SMG5: variants seen among roughly 807,000 people sequenced by gnomAD.
SMG5 encodes the protein SMG5 nonsense mediated mRNA decay factor.
A neutral mutation model predicts 122.9 loss-of-function variants in SMG5; 53 were observed. That is an observed-to-expected ratio of 0.43 (90% CI 0.35 to 0.54). The LOEUF (loss-of-function observed/expected upper bound fraction) is 0.54, where lower values mean the gene tolerates loss of function less well. Ranked by LOEUF, SMG5 falls within the 20% of genes least tolerant of loss-of-function variation. SMG5 has a pLI of 0.01. For synonymous variants in SMG5, 477 were observed against 490.2 expected (o/e 0.97, Z 0.35); for missense variants, 1,153 against 1,285.6 (o/e 0.90, Z 1.58).
chr1:156,252,362 A>T, intron 19 of SMG5, 52 bp downstream of exon 19: 1 of 1,564,118 alleles, frequency 6.4e-7, no homozygotes. Flanking sequence ...AGCATGTGTT[A>T]TCCAAAAGAC....
chr1:156,253,184 G>C, intron 17 of SMG5, 106 bp from the exon 18 acceptor site: 1 of 1,248,212 alleles, frequency 8.0e-7, no homozygotes, highest in Non-Finnish European at 1.1e-6. Context: ...CTGTTGTTAA[G>C]GGGATCAGAG....
intron 3 of SMG5, among the ~76,000 whole-genome samples, 160 bp downstream of exon 3, chr1:156,277,765 G>A (rs541618872): frequency 6.6e-6 from 1 of 152,200 alleles, no homozygotes; most frequent in East Asian, 1.9e-4. Context: ...GCCTGCCTCA[G>A]CCTCCCAAAG....
chr1:156,265,242 T>C (rs1477226464), intron 12 of SMG5, among the ~76,000 whole-genome samples: 1 of 141,492 alleles, frequency 7.1e-6, no homozygotes, highest in Admixed American at 7.6e-5. Context: ...AAAAAAAACT[T>C]TGGAAGTAAA....
intron 7 of SMG5, 107 bp from the exon 8 acceptor site, chr1:156,268,522 CTCAGCTTCCA>C: frequency 7.0e-7 from 1 of 1,434,106 alleles, no homozygotes; most frequent in Non-Finnish European, 9.4e-7. Flanking sequence ...TGCTCCCAGC[CTCAGCTTCCA>C]TGTACATACG....
intron 10 of SMG5, among the ~76,000 whole-genome samples, chr1:156,266,983 A>G (rs143661759): frequency 6.6e-6 from 1 of 151,538 alleles, no homozygotes; most frequent in Non-Finnish European, 1.5e-5. Flanking sequence ...CTCACCTTGT[A>G]CTCCTTCAGA....
rs1388394461 is a variant in SMG5 at position 156,250,287 on chromosome 1, A to G, written c.*300T>C. 1 of 432,702 alleles carries G rather than the reference A, an allele frequency of 2.3e-6. No individual in the cohort carries two copies. Among genetic ancestry groups the G allele is most frequent in the Non-Finnish European group, 4.3e-6 (1 of 234,142 alleles). The allele number at this position is 432,702 out of a possible 1,614,324, so 26.8% of individuals were successfully genotyped here. On this transcript the variant is annotated 3_prime_UTR_variant, in exon 22 of 22. Transcript: ENST00000361813. ...CCATTCCAGTGAAATGCAGGTACCC[A>G]TGCCTACCACCTGCCCCTGGAGACA...
At chr1:156,274,805 T>TCTGCCCTGAAAGACAA in intron 4 of SMG5, 119 bp from the exon 5 acceptor site, 1 of 771,898 alleles carries the variant, frequency 1.3e-6, no homozygotes, top group Non-Finnish European at 2.2e-6. Flanking sequence ...GAACATTGTC[T>TCTGCCCTGAAAGACAA]TTCAGGGCAG....
intron 12 of SMG5, among the ~76,000 whole-genome samples, chr1:156,265,563 A>T (rs1262164259): frequency 6.6e-6 from 1 of 152,108 alleles, no homozygotes; most frequent in African/African-American, 2.4e-5. Flanking sequence ...GAAGTGCAAA[A>T]GAAATAAAAC....
At chr1:156,285,728 G>A (rs1008175798), upstream of SMG5, 6 of 1,612,898 alleles carry the variant, frequency 3.7e-6, no homozygotes, top group African/African-American at 2.7e-5. Flanking sequence ...CACCCACCCC[G>A]ACCCCACTGA....
In SMG5 at chr1:156,271,668, GGTTCAAGTGATTCTCCTGC is replaced by G. The variant is rs3217124; in HGVS notation, c.713+633_713+651del. On this transcript the variant is annotated intron_variant, in intron 7 of 21. Transcript: ENST00000361813. ...GGCTCACTGCAACCTCTGCCTCCTGGGTTCAAGTGATTCTCCTGCGTTCAAGTGATTCTCCTGCCTAAGC... is the reference window on the plus strand; with the variant it reads ...GGCTCACTGCAACCTCTGCCTCCTGGGTTCAAGTGATTCTCCTGCCTAAGC... Among the ~76,000 whole-genome samples, 40 of 103,544 alleles carry G rather than the reference GGTTCAAGTGATTCTCCTGC, an allele frequency of 3.9e-4. No individual in the cohort carries two copies. The Middle Eastern group carries it at 0.014, about 37-fold the overall frequency. 67.9% of individuals were successfully genotyped at this position (103,544 alleles called of 152,430 possible). A position where few individuals can be genotyped will look rare whatever the true frequency, so the allele number is the denominator to read the frequency against.
the SMG5 span, chr1:156,291,410 G>T: frequency 1.2e-6 from 2 of 1,613,966 alleles, no homozygotes; most frequent in Non-Finnish European, 1.7e-6. Flanking sequence ...GACCTTTGCC[G>T]TGGGCCGCTC....
At chr1:156,273,544 A>G in intron 5 of SMG5, 94 bp from the exon 6 acceptor site, 1 of 1,172,846 alleles carries the variant, frequency 8.5e-7, no homozygotes, top group Middle Eastern at 1.9e-4. Context: ...AGTGGTAACA[A>G]GAGCCTGGAA....
intron 14 of SMG5, 119 bp downstream of exon 14, chr1:156,261,214 C>A (rs1661809163): frequency 3.3e-6 from 3 of 915,036 alleles, no homozygotes; most frequent in African/African-American, 1.6e-5. Flanking sequence ...GCTAGGGAGG[C>A]TGGCAGTGAA....
At chr1:156,279,157 C>T in intron 1 of SMG5, 123 bp from the exon 2 acceptor site, 1 of 804,310 alleles carries the variant, frequency 1.2e-6, no homozygotes. Context: ...GAGAAGGCTG[C>T]AGGCTGAGCT....
chr1:156,256,228 A>T (rs1661569879), intron 16 of SMG5, among the ~76,000 whole-genome samples: 1 of 151,964 alleles, frequency 6.6e-6, no homozygotes. Flanking sequence ...CAAGGTGCCA[A>T]GAGTGTCCCC....
At chr1:156,278,106 G>C (rs1662765432) in intron 2 of SMG5, 58 bp from the exon 3 acceptor site, 1 of 1,600,178 alleles carries the variant, frequency 6.2e-7, no homozygotes, top group Non-Finnish European at 8.5e-7. Context: ...AGGGACATAA[G>C]AACTGAGGGC....
chr1:156,270,735 C>T (rs1449931889), intron 7 of SMG5, among the ~76,000 whole-genome samples: 8 of 152,154 alleles, frequency 5.3e-5, no homozygotes, highest in African/African-American at 1.2e-4. Context: ...CAGCCGGGCA[C>T]GGTGGCTCAC....
chr1:156,276,991 C>T, intron 4 of SMG5, 94 bp downstream of exon 4: 1 of 1,300,806 alleles, frequency 7.7e-7, no homozygotes, highest in Non-Finnish European at 1.1e-6. Context: ...CTCTCTCTGC[C>T]TGGCTGGGTC....
Position 156,251,096 on chromosome 1 carries a change from G to A in SMG5, c.2829-100C>T, listed in dbSNP as rs1177685487. On this transcript the variant is annotated intron_variant, in intron 20 of 21. Coordinates refer to ENST00000361813, the MANE Select transcript of SMG5 (RefSeq NM_015327.3). ...GGACAGGGGCAGCTGGGGGCTGGGA[G>A]GGCAGTGAGCAGCAGTGGGCCCTGG... is the stretch of plus-strand genomic sequence containing the variant. The A allele has an allele frequency of 3.3e-6, 5 of 1,499,316 alleles. No homozygotes were observed. The African/African-American group carries it at 5.5e-5, about 17-fold the overall frequency. The allele number at this position is 1,499,316 out of a possible 1,614,324, so 92.9% of individuals were successfully genotyped here.
Sources: gnomAD v4.1 joint callset for allele counts (sites outside exome capture counted in the v4.1 genomes callset) on GRCh38, gnomAD v4.1.1 for gene constraint, MANE v1.5 for transcripts, NCBI Gene and HGNC (gene_info 2026-07-23, HGNC 2026-07-21) for gene names.